The following NME7 variants were observed in gnomAD, a reference collection of about 807,000 sequenced individuals.
NME7 encodes the protein NME/NM23 family member 7, also known as nucleoside diphosphate kinase 7.
Under a neutral mutation model 49.1 loss-of-function variants are expected in NME7, and 41 were observed. The ratio of observed to expected loss-of-function variants is 0.83; its 90% confidence interval spans 0.65 to 1.08. The LOEUF (loss-of-function observed/expected upper bound fraction) is 1.08. NME7 is among the 50% of genes least tolerant of loss of function. The probability of loss-of-function intolerance (pLI) is 0.00; values close to 1 mark genes in which losing one functional copy is unlikely to be tolerated. For missense variants in NME7, 423 were observed against 463.4 expected (o/e 0.91, Z 0.80); for synonymous variants, 139 against 150.6 (o/e 0.92, Z 0.56).
intron 7 of NME7, among the ~76,000 whole-genome samples, chr1:169,270,332 C>T (rs1649450726): frequency 7.5e-6 from 1 of 133,722 alleles, no homozygotes; most frequent in African/African-American, 2.5e-5. Context: ...AAAAGCCACT[C>T]TCCCAGATTT....
In NME7 at chr1:169,192,028, T is replaced by C. The variant is rs141835710; in HGVS notation, c.991-22474A>G. ...CCAGGTGTTTTCTATGCACAGTACA[T>C]GGATGTTTGAGAAGCACTGTTTTAA... On this transcript the variant is annotated intron_variant, in intron 10 of 11. Transcript: ENST00000367811. Among the ~76,000 whole-genome samples, 475 of 152,298 alleles carry C rather than the reference T, an allele frequency of 3.1e-3. 1 individual carries two copies. Among genetic ancestry groups the C allele is most frequent in the Admixed American group, 8.4e-3 (129 of 15,296 alleles).
intron 3 of NME7, among the ~76,000 whole-genome samples, chr1:169,315,498 T>G (rs1207772962): frequency 6.6e-6 from 1 of 152,154 alleles, no homozygotes; most frequent in Non-Finnish European, 1.5e-5. Flanking sequence ...ACTCCTGACC[T>G]CAACTGATCC....
At position 169,230,839 on chromosome 1, in the gene NME7, A is replaced by G. The variant is rs1271648223; in HGVS notation, c.889-20T>C. 3 of 1,472,410 alleles carry G rather than the reference A, an allele frequency of 2.0e-6. No individual in the cohort carries two copies. Among genetic ancestry groups the G allele is most frequent in the Non-Finnish European group, 2.8e-6 (3 of 1,086,848 alleles). 91.2% of individuals were successfully genotyped at this position (1,472,410 alleles called of 1,614,324 possible). A position where few individuals can be genotyped will look rare whatever the true frequency, so the allele number is the denominator to read the frequency against. On this transcript the variant is annotated intron_variant, in intron 9 of 11. Transcript: ENST00000367811. ...CATGTCCTATGATATGTAATATAAA[A>G]GAATGAAAAGAATTTAACAATTTTT... is the stretch of plus-strand genomic sequence containing the variant.
intron 4 of NME7, among the ~76,000 whole-genome samples, chr1:169,304,520 A>T (rs190785007): frequency 6.6e-6 from 1 of 152,336 alleles, no homozygotes; most frequent in Admixed American, 6.5e-5. Flanking sequence ...AGAGATTATG[A>T]AATATGTAAT....
chr1:169,283,436 C>G (rs573066856), intron 7 of NME7, among the ~76,000 whole-genome samples: 2 of 152,196 alleles, frequency 1.3e-5, no homozygotes, highest in East Asian at 3.9e-4. Context: ...GGGCATTTAG[C>G]TTGTTTACAT....
intron 5 of NME7, among the ~76,000 whole-genome samples, chr1:169,299,460 C>T (rs764526386): frequency 2.6e-5 from 4 of 152,092 alleles, no homozygotes; most frequent in Non-Finnish European, 5.9e-5. Context: ...TATATGTGTA[C>T]AGGATGCAAT....
intron 10 of NME7, among the ~76,000 whole-genome samples, chr1:169,227,663 C>T (rs1244208911): frequency 1.3e-5 from 2 of 152,110 alleles, no homozygotes; most frequent in South Asian, 2.1e-4. Context: ...CCTTCCTCTT[C>T]TCATAAAGCC....
Position 169,238,959 on chromosome 1 carries a change from A to C in NME7, c.755-1272T>G, listed in dbSNP as rs188881199. On this transcript the variant is annotated intron_variant, in intron 7 of 11. Coordinates refer to ENST00000367811, the MANE Select transcript of NME7 (RefSeq NM_013330.5). ...TTTTAGCCATGCACTTGTATGTGCA[A>C]AAGTTTGTATTTAGTTTTATATTTG... Among the ~76,000 whole-genome samples the C allele has an allele frequency of 3.7e-4, 56 of 152,148 alleles. No homozygotes were observed. In the East Asian group the frequency reaches 9.8e-3, roughly 27 times the overall value.
intron 5 of NME7, chr1:169,302,214 TAAAAC>T (rs899164493): frequency 2.6e-5 from 4 of 152,218 alleles, no homozygotes; most frequent in Admixed American, 2.0e-4. Flanking sequence ...TCAAAGGACT[TAAAAC>T]AGAACTACCA....
chr1:169,355,072 G>T lies in NME7; in HGVS notation c.3+12636C>A, dbSNP rs1201222492. ...AATATATAATATACTATATATTATA[G>T]ATATAATATATAATATACTATATAT... is the stretch of plus-strand genomic sequence containing the variant. On this transcript the variant is annotated intron_variant, in intron 1 of 11. Transcript: ENST00000367811. Among the ~76,000 whole-genome samples the T allele has an allele frequency of 2.7e-4, 14 of 52,674 alleles. 1 individual carries two copies. The highest frequency in any genetic ancestry group is 4.7e-4 in the African/African-American group (6 of 12,812). 34.6% of individuals were successfully genotyped at this position (52,674 alleles called of 152,430 possible).
chr1:169,325,975 T>C (rs1652045093), intron 1 of NME7, among the ~76,000 whole-genome samples: 2 of 152,088 alleles, frequency 1.3e-5, no homozygotes, highest in Non-Finnish European at 2.9e-5. Flanking sequence ...TGCATTCTAG[T>C]ATTGTACTCA....
At chr1:169,212,911 G>A (rs12047231) in intron 10 of NME7, among the ~76,000 whole-genome samples, 15,689 of 152,148 alleles carry the variant, frequency 0.1, 856 homozygotes, top group Admixed American at 0.12. Flanking sequence ...TTATAGGTGT[G>A]AGCCACTATA....
Position 169,237,521 on chromosome 1 carries a change from A to G in NME7, c.819+102T>C, listed in dbSNP as rs547734750. On this transcript the variant is annotated intron_variant, in intron 8 of 11. Transcript: ENST00000367811. ...TCAGTAAGTATGTCTTTTATTTTTA[A>G]TGTGGTTCATGAGTACACAGGGAAC... is the stretch of plus-strand genomic sequence containing the variant. The G allele has an allele frequency of 2.4e-5, 18 of 757,948 alleles. No homozygotes were observed. The South Asian group carries it at 3.7e-4, about 16-fold the overall frequency. The allele number at this position is 757,948 out of a possible 1,614,324, so 47.0% of individuals were successfully genotyped here.
intron 7 of NME7, among the ~76,000 whole-genome samples, chr1:169,251,012 G>C (rs186497276): frequency 1.3e-5 from 2 of 151,842 alleles, no homozygotes; most frequent in African/African-American, 4.8e-5. Context: ...GTGCACTTTA[G>C]GTCCATTATT....
intron 3 of NME7, among the ~76,000 whole-genome samples, chr1:169,315,133 G>C (rs183821148): frequency 6.6e-6 from 1 of 151,966 alleles, no homozygotes; most frequent in Non-Finnish European, 1.5e-5. Context: ...GATAGAATAA[G>C]CTGCCCAAAA....
chr1:169,170,292 A>G (rs1659544890), intron 10 of NME7, among the ~76,000 whole-genome samples: 1 of 152,166 alleles, frequency 6.6e-6, no homozygotes, highest in African/African-American at 2.4e-5. Flanking sequence ...AAGAAGAACA[A>G]CAGATTGAGA....
At chr1:169,354,960 ATATATAATATAATTATATAT>A (rs1653336821) in intron 1 of NME7, among the ~76,000 whole-genome samples, 1 of 53,398 alleles carries the variant, frequency 1.9e-5, no homozygotes, top group Non-Finnish European at 4.1e-5. Flanking sequence ...ATATATGTTT[ATATATAATATAATTATATAT>A]GTTTATATAT....
chr1:169,265,133 T>C lies in NME7; in HGVS notation c.754+22170A>G, dbSNP rs117442650. Reference sequence around the variant, plus strand: ...CTCCTACCAGGTCCCTCCCATGACATGTCAGAATTATAGGAACCACAATTC... The same window carrying C: ...CTCCTACCAGGTCCCTCCCATGACACGTCAGAATTATAGGAACCACAATTC... On this transcript the variant is annotated intron_variant, in intron 7 of 11. Transcript: ENST00000367811. Among the ~76,000 whole-genome samples the C allele has an allele frequency of 1.7e-4, 22 of 133,126 alleles. 2 individuals carry two copies. In the East Asian group the frequency reaches 3.8e-3, roughly 23 times the overall value. The allele number at this position is 133,126 out of a possible 152,430, so 87.3% of individuals were successfully genotyped here.
chr1:169,287,352 T>A lies in NME7; in HGVS notation c.705A>T (p.Lys235Asn), dbSNP rs1650315904. ...SGGCGPANTA[K>N]FTNCTCCIVK... Reference sequence around the variant, plus strand: ...CAATGCAACAGGTACAATTAGTAAATTTAGCAGTGTTTGCCGGCCCACAAC... The same window carrying A: ...CAATGCAACAGGTACAATTAGTAAAATTAGCAGTGTTTGCCGGCCCACAAC... Residue 235 changes from lysine (K) to asparagine (N), a missense_variant, in exon 7 of 12, where the codon AAA (lysine) becomes AAT (asparagine). Physicochemically the swap from Lys to Asn is moderately conservative, Grantham distance 94 (BLOSUM62 0). Coordinates refer to ENST00000367811, the MANE Select transcript of NME7 (RefSeq NM_013330.5). 2 of 1,610,886 alleles carry A rather than the reference T, an allele frequency of 1.2e-6. No individual in the cohort carries two copies. The highest frequency in any genetic ancestry group is 1.7e-6 in the Non-Finnish European group (2 of 1,178,660).
Sources: gnomAD v4.1 joint callset for allele counts (sites outside exome capture counted in the v4.1 genomes callset) on GRCh38, gnomAD v4.1.1 for gene constraint, MANE v1.5 for transcripts, NCBI Gene and HGNC (gene_info 2026-07-23, HGNC 2026-07-21) for gene names.